SCLT1: variants seen among roughly 807,000 people sequenced by gnomAD.
The protein encoded by SCLT1 is sodium channel and clathrin linker 1, also known as sodium channel-associated protein 1.
In SCLT1, 78 loss-of-function variants were observed where a neutral mutation model predicts 112.8. That is an observed-to-expected ratio of 0.69 (90% CI 0.58 to 0.83). The LOEUF is 0.83. SCLT1 is among the 40% of genes least tolerant of loss of function. The pLI is 0.00. For synonymous variants in SCLT1, 257 were observed against 254.7 expected (o/e 1.01, Z -0.09); for missense variants, 747 against 770.4 (o/e 0.97, Z 0.36).
intron 5 of SCLT1, among the ~76,000 whole-genome samples, chr4:129,023,408 C>T (rs537987347): frequency 6.6e-5 from 10 of 152,160 alleles, no homozygotes; most frequent in Admixed American, 2.6e-4. Flanking sequence ...ACCTATCTCA[C>T]GTGTAAAGAC....
intron 1 of SCLT1, among the ~76,000 whole-genome samples, chr4:129,084,958 T>G (rs971862822): frequency 6.6e-6 from 1 of 151,668 alleles, no homozygotes; most frequent in Admixed American, 6.6e-5. Flanking sequence ...GACACAGGAG[T>G]AGGCAAAGGT....
At chr4:129,043,753 T>G (rs1360855351) in intron 3 of SCLT1, among the ~76,000 whole-genome samples, 2 of 152,166 alleles carry the variant, frequency 1.3e-5, no homozygotes, top group Non-Finnish European at 2.9e-5. Context: ...TCCATAGTAG[T>G]GACAAACAAA....
chr4:128,984,161 T>A lies in SCLT1; in HGVS notation c.686+8006A>T, dbSNP rs180720661. Among the ~76,000 whole-genome samples, 25 of 152,368 alleles carry A rather than the reference T, an allele frequency of 1.6e-4. 1 individual carries two copies. The highest frequency in any genetic ancestry group is 1.6e-3 in the Admixed American group (24 of 15,310). ...CTTTGGAAAACTGCAACTAGTTTTA[T>A]CAATCTCTAAACTCAATTTATAATC... On this transcript the variant is annotated intron_variant, in intron 9 of 20. Coordinates refer to ENST00000281142, the MANE Select transcript of SCLT1 (RefSeq NM_144643.4).
At chr4:128,982,390 T>G (rs1741735410) in intron 9 of SCLT1, among the ~76,000 whole-genome samples, 1 of 152,214 alleles carries the variant, frequency 6.6e-6, no homozygotes, top group African/African-American at 2.4e-5. Flanking sequence ...AGAGCACAGA[T>G]GTACATGTTT....
rs111743135 is a variant in SCLT1 at position 129,043,030 on chromosome 4, G to A, written c.234+365C>T. On this transcript the variant is annotated intron_variant, in intron 4 of 20. Coordinates refer to ENST00000281142, the MANE Select transcript of SCLT1 (RefSeq NM_144643.4). ...AGAGGTTGCAGAGAGCCGAGATCGC[G>A]CCACTGCATTCCAGCCTGGCGACAG... is the stretch of plus-strand genomic sequence containing the variant. 5.5e-3 allele frequency among the ~76,000 whole-genome samples: 835 copies of A among 151,866 alleles called. 8 individuals are homozygous for A. The highest frequency in any genetic ancestry group is 0.019 in the African/African-American group (783 of 41,398).
intron 10 of SCLT1, among the ~76,000 whole-genome samples, chr4:128,969,142 G>A (rs1298320265): frequency 6.6e-6 from 1 of 151,914 alleles, no homozygotes; most frequent in Admixed American, 6.6e-5. Context: ...CTTCTTCACT[G>A]GCCTCTCTGG....
chr4:129,028,992 A>G (rs1448456176), intron 5 of SCLT1, among the ~76,000 whole-genome samples: 1 of 152,220 alleles, frequency 6.6e-6, no homozygotes, highest in East Asian at 1.9e-4. Context: ...ATCTCACACC[A>G]GTTAGAATGG....
intron 9 of SCLT1, among the ~76,000 whole-genome samples, chr4:128,988,791 G>C (rs1250956908): frequency 6.6e-6 from 1 of 151,784 alleles, no homozygotes; most frequent in African/African-American, 2.4e-5. Context: ...GAAAAAGACA[G>C]TCCATGCAAA....
intron 5 of SCLT1, chr4:129,037,859 AG>A (rs2125690355): frequency 6.6e-6 from 1 of 152,338 alleles, no homozygotes; most frequent in South Asian, 2.1e-4. Flanking sequence ...AAAACCACAT[AG>A]GTAAATAAAC....
rs182871434 is a variant in SCLT1, at chr4:128,974,937, T to A, written c.687-4469A>T. On this transcript the variant is annotated intron_variant, in intron 9 of 20. Coordinates refer to ENST00000281142, the MANE Select transcript of SCLT1 (RefSeq NM_144643.4). ...CAAATTAATATTCTAAAAAGTACAT[T>A]ACTTTATTTTCAGGTATGCTTGTTA... Among the ~76,000 whole-genome samples, 24 of 152,132 alleles carry A rather than the reference T, an allele frequency of 1.6e-4. No homozygotes were observed. The East Asian group carries it at 3.9e-3, about 24-fold the overall frequency.
chr4:129,040,187 G>A, intron 4 of SCLT1: 1 of 702,582 alleles, frequency 1.4e-6, no homozygotes, highest in Non-Finnish European at 2.6e-6. Context: ...TTTGAAAGGT[G>A]AACTTTTCCA....
chr4:128,924,338 C>A (rs1056197174), intron 18 of SCLT1, among the ~76,000 whole-genome samples: 3 of 151,982 alleles, frequency 2.0e-5, no homozygotes, highest in Admixed American at 2.0e-4. Flanking sequence ...AGTGCAGTAG[C>A]ACAATCTTGG....
chr4:129,035,526 G>A (rs1747102559), intron 5 of SCLT1, among the ~76,000 whole-genome samples: 1 of 151,828 alleles, frequency 6.6e-6, no homozygotes, highest in African/African-American at 2.4e-5. Context: ...TTAGGGTTAT[G>A]TGACTATGTA....
chr4:129,041,594 G>A (rs1561003651), intron 4 of SCLT1, among the ~76,000 whole-genome samples: 1 of 151,982 alleles, frequency 6.6e-6, no homozygotes, highest in Admixed American at 6.5e-5. Flanking sequence ...ATATTTAAGG[G>A]CCTACTATGT....
At chr4:129,088,235 A>G (rs554975630) in intron 1 of SCLT1, among the ~76,000 whole-genome samples, 89 of 152,358 alleles carry the variant, frequency 5.8e-4, no homozygotes, top group African/African-American at 2.0e-3. Flanking sequence ...GAAATTAATC[A>G]ATGTAATTTA....
intron 11 of SCLT1, among the ~76,000 whole-genome samples, chr4:128,960,863 T>C (rs2126016169): frequency 1.5e-5 from 2 of 129,884 alleles, no homozygotes; most frequent in South Asian, 4.7e-4. Context: ...GAGCTTGCAG[T>C]GAGCAGAGAT....
chr4:129,014,230 G>C (rs1477775371), intron 5 of SCLT1, among the ~76,000 whole-genome samples: 1 of 152,002 alleles, frequency 6.6e-6, no homozygotes, highest in East Asian at 1.9e-4. Flanking sequence ...ATCGTTCTTA[G>C]CTTCCTTGGA....
At chr4:128,912,931 T>A (rs1212788093) in intron 18 of SCLT1, among the ~76,000 whole-genome samples, 2 of 152,210 alleles carry the variant, frequency 1.3e-5, no homozygotes, top group African/African-American at 4.8e-5. Context: ...TAAACTGCAA[T>A]CTTGACTATT....
At chr4:128,989,759 T>C (rs56873035) in intron 9 of SCLT1, among the ~76,000 whole-genome samples, 1,550 of 150,856 alleles carry the variant, frequency 0.01, 14 homozygotes, top group African/African-American at 0.028. Context: ...TAAAATGAGA[T>C]GAAGGAGATA....
Sources: gnomAD v4.1 joint callset for allele counts (sites outside exome capture counted in the v4.1 genomes callset) on GRCh38, gnomAD v4.1.1 for gene constraint, MANE v1.5 for transcripts, NCBI Gene and HGNC (gene_info 2026-07-23, HGNC 2026-07-21) for gene names.